The following CPSF1 variants were observed in gnomAD, a reference collection of about 807,000 sequenced individuals.
The protein encoded by CPSF1 is cleavage and polyadenylation specificity factor subunit 1.
Under a neutral mutation model 175.8 loss-of-function variants are expected in CPSF1, and 106 were observed. That is an observed-to-expected ratio of 0.60 (90% confidence interval 0.52 to 0.71). The LOEUF (loss-of-function observed/expected upper bound fraction) is 0.71. Ranked by LOEUF, CPSF1 falls within the 30% of genes least tolerant of loss-of-function variation. CPSF1 has a pLI of 0.00. For missense variants in CPSF1, 1,734 were observed against 2,022.9 expected (o/e 0.86, Z 2.74); for synonymous variants, 1,024 against 858.3 (o/e 1.19, Z -3.37).
intron 16 of CPSF1, 29 bp from the exon 17 acceptor site, chr8:144,398,897 T>TG (rs2116856050): frequency 2.5e-6 from 4 of 1,607,772 alleles, no homozygotes; most frequent in Admixed American, 1.7e-5. Context: ...GGGGGTGTGA[T>TG]GGGGGTGTGA....
Position 144,394,558 on chromosome 8 carries a change from G to A in CPSF1, c.3568-3C>T. On this transcript the variant is annotated splice_region_variant and splice_polypyrimidine_tract_variant and intron_variant, in intron 31 of 37. Coordinates refer to ENST00000616140, the MANE Select transcript of CPSF1 (RefSeq NM_013291.3). ...GCCCGCAGGCTCCACAGGAAAATCT[G>A]GGGGCGAGGGCGAGGGTGAGCGGGC... 3.1e-6 allele frequency: 5 copies of A among 1,608,386 alleles called. No homozygotes were observed. The highest frequency in any genetic ancestry group is 4.2e-6 in the Non-Finnish European group (5 of 1,177,762).
chr8:144,393,975 A>G lies in CPSF1; in HGVS notation c.3923T>C (p.Val1308Ala). ...RRADFHVGAH[V>A]NTFWRTPCRG... The stretch of plus-strand genomic sequence containing the variant: ...GCACGGGGTCCTCCAGAACGTGTTC[A>G]CGTGGGCACCCACGTGGAAGTCTGC... Residue 1308 changes from valine (V) to alanine (A), a missense_variant, in exon 35 of 38, where the codon GTG becomes GCG. Physicochemically the swap from Val to Ala is moderately conservative, Grantham distance 64 (BLOSUM62 0). Transcript: ENST00000616140. 6.2e-7 allele frequency: 1 copy of G among 1,613,586 alleles called. No homozygotes were observed. The highest frequency in any genetic ancestry group is 8.5e-7 in the Non-Finnish European group (1 of 1,179,860).
chr8:144,406,296 T>G (rs140214689), intron 2 of CPSF1, among the ~76,000 whole-genome samples: 2 of 152,300 alleles, frequency 1.3e-5, no homozygotes, highest in Non-Finnish European at 2.9e-5. Flanking sequence ...GCTGGGCTCT[T>G]ACCCCTGCTC....
chr8:144,393,284 G>C lies in CPSF1; in HGVS notation c.*34C>G, dbSNP rs782479937. 6.8e-6 allele frequency: 10 copies of C among 1,474,408 alleles called. No homozygotes were observed. The highest frequency in any genetic ancestry group is 9.0e-6 in the Non-Finnish European group (10 of 1,106,010). The allele number at this position is 1,474,408 out of a possible 1,614,324, so 91.3% of individuals were successfully genotyped here. A position where few individuals can be genotyped will look rare whatever the true frequency, so the allele number is the denominator to read the frequency against. ...TTGTACAAAAAGGGGGTGGGAGGTA[G>C]TTCCGTGTGCTGGTGGTGACGGCAT... On this transcript the variant is annotated 3_prime_UTR_variant, in exon 38 of 38. Coordinates refer to ENST00000616140, the MANE Select transcript of CPSF1 (RefSeq NM_013291.3).
intron 2 of CPSF1, among the ~76,000 whole-genome samples, chr8:144,403,359 G>A (rs1554867974): frequency 6.6e-6 from 1 of 152,060 alleles, no homozygotes; most frequent in Non-Finnish European, 1.5e-5. Flanking sequence ...CTCTCAAAGC[G>A]CTGGGATTAC....
At chr8:144,407,106 G>A (rs1821537989) in intron 2 of CPSF1, among the ~76,000 whole-genome samples, 1 of 151,942 alleles carries the variant, frequency 6.6e-6, no homozygotes, top group Non-Finnish European at 1.5e-5. Context: ...GTAGACACAG[G>A]GTTTTGCCAC....
intron 2 of CPSF1, among the ~76,000 whole-genome samples, chr8:144,404,884 G>A (rs1454269719): frequency 2.0e-5 from 3 of 151,482 alleles, no homozygotes; most frequent in South Asian, 2.1e-4. Flanking sequence ...GTGAAACCCC[G>A]TCTCTACTAA....
intron 26 of CPSF1, 190 bp from the exon 27 acceptor site, chr8:144,395,741 T>C: frequency 1.7e-6 from 1 of 606,058 alleles, no homozygotes; most frequent in Non-Finnish European, 2.9e-6. Flanking sequence ...TCCTGTCCAT[T>C]TTCCCACGCT....
intron 6 of CPSF1, 39 bp downstream of exon 6, chr8:144,400,885 C>T (rs1340914717): frequency 5.0e-6 from 8 of 1,604,860 alleles, no homozygotes; most frequent in Non-Finnish European, 6.8e-6. Flanking sequence ...TCTGGCGCCT[C>T]CCACCCCAGC....
chr8:144,399,174 G>C lies in CPSF1; in HGVS notation c.1421C>G (p.Pro474Arg), dbSNP rs2116859883. 1 of 1,605,744 alleles carries C rather than the reference G, an allele frequency of 6.2e-7. No homozygotes were observed. Among genetic ancestry groups the C allele is most frequent in the Non-Finnish European group, 8.5e-7 (1 of 1,176,972 alleles). The stretch of plus-strand genomic sequence containing the variant: ...CTCGCCCACGGCGGCATTGGCACAG[G>C]GTCCAATGTTCAGGATGCTGTCACA... Reference protein sequence around the residue: ...EVCDSILNIGPCANAAVGEPA... With the variant: ...EVCDSILNIGRCANAAVGEPA... Residue 474 changes from proline to arginine, a missense_variant, in exon 15 of 38, where the codon CCC (proline) becomes CGC (arginine). This residue lies in a region of CPSF1 where 280 missense variants were observed against 349.2 expected (regional missense o/e 0.80). Transcript: ENST00000616140. This position sits in a 1 kb window ranked among gnomAD's most constrained non-coding sequence, Gnocchi z 6.4.
rs1820743352 is a variant in CPSF1, at chr8:144,396,468, G to A, written c.2859C>T (p.Leu953=). The change falls in exon 26 of 38, where the codon CTC becomes CTT. Residue 953 remains leucine, a synonymous_variant. Transcript: ENST00000616140. ...GCAGAGCCCCTCGGCCGGTCACCAA[G>A]AGCCAGTGAGGGGAGGGGCCGCAGA... is the stretch of plus-strand genomic sequence containing the variant. ...VFICGPSPHW[L]LVTGRGALRL... 1.2e-6 allele frequency: 2 copies of A among 1,606,990 alleles called. No homozygotes were observed. The highest frequency in any genetic ancestry group is 2.7e-5 in the African/African-American group (2 of 74,924).
At chr8:144,400,634 G>A (rs1554866405) in intron 7 of CPSF1, 37 bp downstream of exon 7, 5 of 1,595,634 alleles carry the variant, frequency 3.1e-6, no homozygotes, top group East Asian at 2.3e-5. Flanking sequence ...GCAGCTAGGG[G>A]GCCCACAGTG....
chr8:144,394,336 G>T (rs782705433), intron 32 of CPSF1, 36 bp from the exon 33 acceptor site: 2 of 1,587,726 alleles, frequency 1.3e-6, no homozygotes, highest in Admixed American at 3.4e-5. Flanking sequence ...GGTGCCTTGG[G>T]CGGGTACCCA....
Position 144,409,111 on chromosome 8 carries a change from G to T in CPSF1, c.48C>A (p.Phe16Leu). ...KQAHPPTGLE[F>L]SMYCNFFNNS... ...TGTTGAAGAAGTTGCAGTACATGGAGAACTCCAGACCGGTGGGCGGATGCG... is the reference window on the plus strand; with the variant it reads ...TGTTGAAGAAGTTGCAGTACATGGATAACTCCAGACCGGTGGGCGGATGCG... The change falls in exon 2 of 38, where the codon TTC (phenylalanine) becomes TTA (leucine). Residue 16 changes from phenylalanine (F) to leucine (L), a missense_variant. Coordinates refer to ENST00000616140, the MANE Select transcript of CPSF1 (RefSeq NM_013291.3). The T allele has an allele frequency of 6.2e-7, 1 of 1,613,842 alleles. No individual in the cohort carries two copies.
chr8:144,393,758 G>A lies in CPSF1; in HGVS notation c.4054C>T (p.Gln1352Ter). Reference sequence around the variant, plus strand: ...AGCAGCCGCCGGTAGGTCTTCTCCTGCATGGGCAGCAGCAGCCCGATGCCG... The same window carrying A: ...AGCAGCCGCCGGTAGGTCTTCTCCTACATGGGCAGCAGCAGCCCGATGCCG... Reference protein sequence around the residue: ...DGGIGLLLPMQEKTYRRLLML... With the variant: ...DGGIGLLLPM The change falls in exon 36 of 38, where the codon CAG becomes TAG. Residue 1352 changes from glutamine (Q) to a stop codon, truncating the protein, a stop_gained. Coordinates refer to ENST00000616140, the MANE Select transcript of CPSF1 (RefSeq NM_013291.3). LOFTEE classifies it high-confidence loss of function. 6.3e-7 allele frequency: 1 copy of A among 1,590,494 alleles called. No individual in the cohort carries two copies.
intron 23 of CPSF1, 128 bp from the exon 24 acceptor site, chr8:144,397,057 G>A: frequency 1.1e-6 from 1 of 907,448 alleles, no homozygotes; most frequent in Non-Finnish European, 1.7e-6. Flanking sequence ...ATGGGAAGGG[G>A]CGGGGCTGTG....
At chr8:144,400,134 G>GGGC in intron 9 of CPSF1, 32 bp downstream of exon 9, 1 of 964,402 alleles carries the variant, frequency 1.0e-6, no homozygotes, top group South Asian at 1.6e-5. Flanking sequence ...GCCGTCCCCG[G>GGGC]GCCCCCCCCG....
At chr8:144,405,863 G>A (rs1288171325) in intron 2 of CPSF1, among the ~76,000 whole-genome samples, 1 of 152,152 alleles carries the variant, frequency 6.6e-6, no homozygotes. Context: ...AGCCATGCTG[G>A]GGACAGGGGA....
At position 144,396,513 on chromosome 8, in the gene CPSF1, A is replaced by G. The variant is rs138588495; in HGVS notation, c.2827-13T>C. Reference sequence around the variant, plus strand: ...CGCAGATGAAGACCTGGGGGCAGGCACCGTGAGGATGCTGTGGATGAGGAT... The same window carrying G: ...CGCAGATGAAGACCTGGGGGCAGGCGCCGTGAGGATGCTGTGGATGAGGAT... On this transcript the variant is annotated splice_polypyrimidine_tract_variant and intron_variant, in intron 25 of 37. Coordinates refer to ENST00000616140, the MANE Select transcript of CPSF1 (RefSeq NM_013291.3). The G allele has an allele frequency of 2.2e-3, 3,593 of 1,611,472 alleles. 7 individuals carry two copies. The highest frequency in any genetic ancestry group is 7.1e-3 in the Admixed American group (428 of 59,912).
Sources: allele counts gnomAD v4.1 joint callset (sites outside exome capture counted in the v4.1 genomes callset), GRCh38; gene constraint gnomAD v4.1.1; regional missense constraint gnomAD v4.1.1; non-coding constraint Gnocchi (gnomAD v3.1); transcripts MANE v1.5; gene names NCBI Gene and HGNC (gene_info 2026-07-23, HGNC 2026-07-21).